Variants in PFKFB1 observed in about 807,000 individuals in gnomAD.
The protein encoded by PFKFB1 is 6-phosphofructo-2-kinase/fructose-2,6-biphosphatase 1, also known as 6-phosphofructo-2-kinase/fructose-2,6-bisphosphatase 1.
PFKFB1 carries 34 observed loss-of-function variants against 46.4 expected under a neutral mutation model. The observed-to-expected ratio is 0.73, with a 90% CI of 0.56 to 0.98. PFKFB1 has a LOEUF of 0.98. PFKFB1 is among the 50% of genes least tolerant of loss of function. The probability of loss-of-function intolerance (pLI) is 0.00; values close to 1 mark genes in which losing one functional copy is unlikely to be tolerated. For synonymous variants in PFKFB1, 119 were observed against 133.8 expected (o/e 0.89, Z 0.76); for missense variants, 393 against 376.3 (o/e 1.04, Z -0.37).
In PFKFB1 at chrX:54,994,026, T is replaced by G. The variant is rs369520364; in HGVS notation, c.-19A>C. 1 of 1,188,604 alleles carries G rather than the reference T, an allele frequency of 8.4e-7. No homozygotes were observed. Among genetic ancestry groups the G allele is most frequent in the African/African-American group, 1.8e-5 (1 of 56,789 alleles). On this transcript the variant is annotated 5_prime_UTR_variant, in exon 1 of 14. Transcript: ENST00000375006. ...GAGACATCTTAGGAGTCGCACCGAA[T>G]GACATCACTGCCCACAAGGTACCTG... is the stretch of plus-strand genomic sequence containing the variant.
intron 1 of PFKFB1, among the ~76,000 whole-genome samples, chrX:54,989,590 A>G (rs905322677): frequency 1.8e-5 from 2 of 112,355 alleles, no homozygotes; most frequent in Admixed American, 1.9e-4. Context: ...CGAGGTATAT[A>G]GTACACTAAA....
rs1235754450 is a variant in PFKFB1, at chrX:54,963,400, C to A, written c.98-18G>T. The A allele has an allele frequency of 8.3e-7, 1 of 1,205,097 alleles. No individual in the cohort carries two copies. The highest frequency in any genetic ancestry group is 1.7e-5 in the African/African-American group (1 of 57,545). Reference sequence around the variant, plus strand: ...TATGGATGCTGAAAAATAAACAGACCCTCAAAAGCTTATCCTCAGATTCAT... The same window carrying A: ...TATGGATGCTGAAAAATAAACAGACACTCAAAAGCTTATCCTCAGATTCAT... On this transcript the variant is annotated intron_variant, in intron 1 of 13. Transcript: ENST00000375006.
chrX:54,942,004 C>G (rs979852629), intron 10 of PFKFB1, among the ~76,000 whole-genome samples: 1 of 112,069 alleles, frequency 8.9e-6, no homozygotes, highest in Admixed American at 9.5e-5. Context: ...AAATGTCCAA[C>G]AATGATAGAC....
chrX:54,995,127 C>T (rs148520912), upstream of PFKFB1, among the ~76,000 whole-genome samples: 2,425 of 111,623 alleles, frequency 0.022, 56 homozygotes, highest in African/African-American at 0.075. Flanking sequence ...CTGCCCTCTC[C>T]CGCTCCCCTG....
At chrX:54,997,595 C>T (rs1050913330), upstream of PFKFB1, among the ~76,000 whole-genome samples, 2 of 111,899 alleles carry the variant, frequency 1.8e-5, no homozygotes, top group Non-Finnish European at 3.8e-5. Context: ...AGCTCTCAGA[C>T]TGTTTGGGTA....
Position 54,937,669 on chromosome X carries a change from T to C in PFKFB1, c.1154A>G (p.Gln385Arg). 1.7e-6 allele frequency: 2 copies of C among 1,206,503 alleles called. No individual in the cohort carries two copies. The highest frequency in any genetic ancestry group is 2.3e-4 in the Middle Eastern group (1 of 4,334). Reference sequence around the variant, plus strand: ...GTGGCAGATCACCAGTACATTCTCCTGTCGTTCTAGCTCCATTATCACTGG... The same window carrying C: ...GTGGCAGATCACCAGTACATTCTCCCGTCGTTCTAGCTCCATTATCACTGG... ...LEPVIMELER[Q>R]ENVLVICHQA... is the part of the protein sequence containing the mutation. The change falls in exon 11 of 14, where the codon CAG (glutamine) becomes CGG (arginine). Residue 385 changes from glutamine to arginine, a missense_variant. Gln to Arg is a conservative substitution (Grantham distance 43). Coordinates refer to ENST00000375006, the MANE Select transcript of PFKFB1 (RefSeq NM_002625.4).
chrX:54,946,722 C>G (rs188792484), intron 9 of PFKFB1, among the ~76,000 whole-genome samples: 6 of 112,155 alleles, frequency 5.3e-5, no homozygotes, highest in Admixed American at 3.8e-4. Context: ...CTTATTGAGT[C>G]AAATTGCTTA....
In PFKFB1 at chrX:54,991,025, A is replaced by C. The variant is rs1378420934; in HGVS notation, c.97+2886T>G. ...AACTTAAAATCGGGATCAGCATAAG[A>C]ATATACATTATTAACATTTCTTTTC... On this transcript the variant is annotated intron_variant, in intron 1 of 13. Coordinates refer to ENST00000375006, the MANE Select transcript of PFKFB1 (RefSeq NM_002625.4). Among the ~76,000 whole-genome samples the C allele has an allele frequency of 6.3e-5, 7 of 111,929 alleles. No individual in the cohort carries two copies. In the Admixed American group the frequency reaches 6.6e-4, roughly 11 times the overall value.
intron 1 of PFKFB1, among the ~76,000 whole-genome samples, chrX:54,986,313 A>G (rs1935112326): frequency 5.3e-5 from 6 of 112,350 alleles, no homozygotes; most frequent in African/African-American, 1.6e-4. Flanking sequence ...AAGAAAAAAG[A>G]GAAAGAAGCA....
At chrX:54,974,240 G>C (rs1330030408) in intron 1 of PFKFB1, among the ~76,000 whole-genome samples, 1 of 111,917 alleles carries the variant, frequency 8.9e-6, no homozygotes, top group Non-Finnish European at 1.9e-5. Context: ...GCATGGTACT[G>C]GTATAAAAAC....
At chrX:54,940,921 C>T (rs1220858591) in intron 10 of PFKFB1, among the ~76,000 whole-genome samples, 1 of 111,522 alleles carries the variant, frequency 9.0e-6, no homozygotes, top group African/African-American at 3.3e-5. Flanking sequence ...CAAAAAAGGG[C>T]CCGCATCGCC....
Position 54,952,087 on chromosome X carries a change from C to A in PFKFB1, c.664G>T (p.Asp222Tyr), listed in dbSNP as rs774321022. The A allele has an allele frequency of 3.3e-6, 4 of 1,209,201 alleles. No individual in the cohort carries two copies. The African/African-American group carries it at 7.0e-5, about 21-fold the overall frequency. Residue 222 changes from aspartate (D) to tyrosine (Y), a missense_variant, in exon 8 of 14, where the codon GAC becomes TAC. Transcript: ENST00000375006. ...DSHLSYIKIF[D>Y]VGTRYMVNRV... Reference sequence around the variant, plus strand: ...TTCACCATGTAGCGTGTGCCCACGTCGAAGATCTTGATGTAGGACAGGTGG... The same window carrying A: ...TTCACCATGTAGCGTGTGCCCACGTAGAAGATCTTGATGTAGGACAGGTGG...
rs373001859 is a variant in PFKFB1, at chrX:54,986,511, C to G, written c.97+7400G>C. Among the ~76,000 whole-genome samples, 541 of 111,194 alleles carry G rather than the reference C, an allele frequency of 4.9e-3. 3 individuals carry two copies. Among genetic ancestry groups the G allele is most frequent in the African/African-American group, 0.016 (492 of 30,657 alleles). ...TATATCACAAGTATAAACGTATATG[C>G]CTAAACAACAGAGCTGCCAAATACA... On this transcript the variant is annotated intron_variant, in intron 1 of 13. Transcript: ENST00000375006.
chrX:54,944,200 A>T (rs773095918), intron 10 of PFKFB1, among the ~76,000 whole-genome samples: 2 of 111,947 alleles, frequency 1.8e-5, no homozygotes, highest in East Asian at 5.5e-4. Context: ...TCAACTAAAA[A>T]TTGAAAGAAT....
intron 1 of PFKFB1, among the ~76,000 whole-genome samples, chrX:54,967,267 C>T (rs969716759): frequency 1.8e-5 from 2 of 112,037 alleles, no homozygotes; most frequent in Admixed American, 9.5e-5. Flanking sequence ...GATGAGATTA[C>T]ATTAAATTAT....
chrX:54,986,840 A>T (rs1935125558), intron 1 of PFKFB1, among the ~76,000 whole-genome samples: 4 of 111,768 alleles, frequency 3.6e-5, no homozygotes, highest in Admixed American at 2.8e-4. Context: ...TATGTTCTCC[A>T]ATCATAATGG....
intron 10 of PFKFB1, among the ~76,000 whole-genome samples, chrX:54,944,491 A>G (rs1307123908): frequency 8.9e-6 from 1 of 112,331 alleles, no homozygotes; most frequent in Non-Finnish European, 1.9e-5. Flanking sequence ...AGAGACACAA[A>G]ACAAAGATAC....
intron 2 of PFKFB1, 29 bp from the exon 3 acceptor site, chrX:54,960,946 T>C (rs996927697): frequency 4.8e-6 from 5 of 1,036,564 alleles, no homozygotes; most frequent in Middle Eastern, 5.2e-4. Context: ...AGTGAAGAGG[T>C]TGGGAAGATC....
chrX:54,981,844 C>T (rs1315079536), intron 1 of PFKFB1, among the ~76,000 whole-genome samples: 1 of 111,058 alleles, frequency 9.0e-6, no homozygotes, highest in Non-Finnish European at 1.9e-5. Flanking sequence ...TTTTCTGGGA[C>T]CCATTAGAGA....
Sources: allele counts gnomAD v4.1 joint callset (sites outside exome capture counted in the v4.1 genomes callset), GRCh38; gene constraint gnomAD v4.1.1; transcripts MANE v1.5; gene names NCBI Gene and HGNC (gene_info 2026-07-23, HGNC 2026-07-21).